ARHGAP42: variants seen among roughly 807,000 people sequenced by gnomAD.
ARHGAP42 encodes rho GTPase-activating protein 42.
A neutral mutation model predicts 125.0 loss-of-function variants in ARHGAP42; 63 were observed. That is an observed-to-expected ratio of 0.50 (90% CI 0.41 to 0.62). The LOEUF (loss-of-function observed/expected upper bound fraction) is 0.62, where lower values mean the gene tolerates loss of function less well. ARHGAP42 is among the 20% of genes least tolerant of loss of function. ARHGAP42 has a pLI of 0.00. For missense variants in ARHGAP42, 766 were observed against 1,024.2 expected (o/e 0.75, Z 3.44); for synonymous variants, 339 against 351.0 (o/e 0.97, Z 0.38).
chr11:100,737,555 ACTGGTGTCCCAC>A (rs1862092208), intron 1 of ARHGAP42, among the ~76,000 whole-genome samples: 2 of 151,120 alleles, frequency 1.3e-5, no homozygotes, highest in African/African-American at 4.8e-5. Flanking sequence ...TGGTGATCAT[ACTGGTGTCCCAC>A]CTTTCAACGT....
chr11:100,976,953 A>G lies in ARHGAP42; in HGVS notation c.2375A>G (p.Tyr792Cys), dbSNP rs371366286. The part of the protein sequence containing the change: ...LRLDTASSNG[Y>C]QRPGSVVAAK... ...CTAGACACTGCCTCAAGCAATGGCT[A>G]TCAGCGGCCTGGCTCAGTGTAAGTG... Residue 792 changes from tyrosine to cysteine, a missense_variant, in exon 21 of 24, where the codon TAT becomes TGT. Transcript: ENST00000298815. 6.4e-7 allele frequency: 1 copy of G among 1,551,444 alleles called. No individual in the cohort carries two copies. The highest frequency in any genetic ancestry group is 1.2e-5 in the South Asian group (1 of 84,056).
At chr11:100,749,706 A>G (rs933363458) in intron 1 of ARHGAP42, among the ~76,000 whole-genome samples, 6 of 152,106 alleles carry the variant, frequency 3.9e-5, no homozygotes, top group African/African-American at 1.4e-4. Context: ...CTTAAGCCAT[A>G]TGAGGTAGCT....
chr11:100,770,560 AT>A, intron 2 of ARHGAP42, 122 bp downstream of exon 2: 1 of 758,238 alleles, frequency 1.3e-6, no homozygotes, highest in Non-Finnish European at 2.0e-6. Context: ...TATAAGAGTG[AT>A]TTTAGGTTTC....
chr11:100,874,040 T>G (rs1290968835), intron 4 of ARHGAP42, among the ~76,000 whole-genome samples: 2 of 152,130 alleles, frequency 1.3e-5, no homozygotes, highest in Non-Finnish European at 2.9e-5. Flanking sequence ...AATACCTGAG[T>G]TGGAGTAATT....
intron 1 of ARHGAP42, among the ~76,000 whole-genome samples, chr11:100,744,773 C>T (rs1305627033): frequency 6.6e-6 from 1 of 152,048 alleles, no homozygotes; most frequent in Admixed American, 6.6e-5. Context: ...TGAGCAAGTT[C>T]ACCATTGTTA....
intron 4 of ARHGAP42, among the ~76,000 whole-genome samples, chr11:100,899,120 A>G (rs1222763043): frequency 6.6e-6 from 1 of 152,226 alleles, no homozygotes; most frequent in Non-Finnish European, 1.5e-5. Context: ...ATTCAGGAGC[A>G]GGTTGTTCTG....
chr11:100,935,682 A>C (rs1195077603), intron 7 of ARHGAP42, among the ~76,000 whole-genome samples: 2 of 151,780 alleles, frequency 1.3e-5, no homozygotes. Context: ...ACACACAGAG[A>C]GAGAGAGAGA....
intron 7 of ARHGAP42, 106 bp from the exon 8 acceptor site, chr11:100,936,097 A>G: frequency 7.5e-7 from 1 of 1,329,130 alleles, no homozygotes; most frequent in Non-Finnish European, 1.0e-6. Flanking sequence ...TGACAGAGTG[A>G]TACTCTGTCT....
At chr11:100,921,744 G>A (rs1867275476) in intron 6 of ARHGAP42, 140 bp downstream of exon 6, 15 of 580,396 alleles carry the variant, frequency 2.6e-5, no homozygotes, top group Non-Finnish European at 4.4e-5. Context: ...GGATGAAAAA[G>A]TGGAGCACAG....
chr11:100,797,968 C>T (rs1410468569), intron 3 of ARHGAP42, among the ~76,000 whole-genome samples: 1 of 152,124 alleles, frequency 6.6e-6, no homozygotes, highest in Non-Finnish European at 1.5e-5. Context: ...TCATGGATGA[C>T]TTGGAGAGGT....
chr11:100,815,033 T>G (rs1667684794), intron 3 of ARHGAP42, among the ~76,000 whole-genome samples: 1 of 152,260 alleles, frequency 6.6e-6, no homozygotes, highest in Non-Finnish European at 1.5e-5. Flanking sequence ...CTAAAACAAG[T>G]GCTCCCTCTT....
At chr11:100,914,651 T>C (rs561493755) in intron 5 of ARHGAP42, among the ~76,000 whole-genome samples, 12 of 152,286 alleles carry the variant, frequency 7.9e-5, no homozygotes, top group Non-Finnish European at 1.0e-4. Context: ...GTCTAAAAAG[T>C]GATCGGGAAC....
intron 22 of ARHGAP42, among the ~76,000 whole-genome samples, chr11:100,980,123 T>C (rs780330104): frequency 1.3e-5 from 2 of 152,164 alleles, no homozygotes; most frequent in Non-Finnish European, 2.9e-5. Context: ...GTAGAGCCAC[T>C]TTGGTATCTT....
At chr11:100,722,357 A>G (rs1040621229) in intron 1 of ARHGAP42, among the ~76,000 whole-genome samples, 3 of 149,264 alleles carry the variant, frequency 2.0e-5, no homozygotes, top group African/African-American at 4.9e-5. Context: ...CCTTCATCAG[A>G]TATGTGTTTT....
chr11:100,898,985 A>G (rs934670146), intron 4 of ARHGAP42, among the ~76,000 whole-genome samples: 2 of 152,312 alleles, frequency 1.3e-5, no homozygotes, highest in African/African-American at 4.8e-5. Context: ...ATTTAGTGCT[A>G]TAAATTTCCC....
chr11:100,874,398 G>A lies in ARHGAP42; in HGVS notation c.384+14773G>A, dbSNP rs185240962. 3.0e-3 allele frequency among the ~76,000 whole-genome samples: 450 copies of A among 152,272 alleles called. 4 individuals carry two copies. Among genetic ancestry groups the A allele is most frequent in the African/African-American group, 0.01 (418 of 41,538 alleles). On this transcript the variant is annotated intron_variant, in intron 4 of 23. Coordinates refer to ENST00000298815, the MANE Select transcript of ARHGAP42 (RefSeq NM_152432.4). ...GGTAACGAACTACATCCAGACCATAGCAGTGATAAATTTTGTTTACTGTCA... is the reference window on the plus strand; with the variant it reads ...GGTAACGAACTACATCCAGACCATAACAGTGATAAATTTTGTTTACTGTCA...
intron 1 of ARHGAP42, among the ~76,000 whole-genome samples, chr11:100,749,571 C>T (rs1408051016): frequency 6.6e-6 from 1 of 152,190 alleles, no homozygotes; most frequent in Non-Finnish European, 1.5e-5. Context: ...CCCTTTCCCC[C>T]TCTGAAGGTC....
At chr11:100,711,963 C>G (rs1454958344) in intron 1 of ARHGAP42, among the ~76,000 whole-genome samples, 2 of 152,212 alleles carry the variant, frequency 1.3e-5, no homozygotes, top group African/African-American at 4.8e-5. Context: ...GAGACTCTAA[C>G]TTTCATTATG....
rs199731211 is a variant in ARHGAP42 at position 100,837,669 on chromosome 11, T to A, written c.313-21885T>A. ...TTCCCAGAATCTAGGTGTCATCCTT[T>A]TTTTTTTTTTTTTTTTTTTTTTTTT... On this transcript the variant is annotated intron_variant, in intron 3 of 23. Coordinates refer to ENST00000298815, the MANE Select transcript of ARHGAP42 (RefSeq NM_152432.4). Among the ~76,000 whole-genome samples the A allele has an allele frequency of 5.8e-3, 225 of 38,518 alleles. 5 individuals are homozygous for A. Among genetic ancestry groups the A allele is most frequent in the East Asian group, 6.9e-3 (6 of 872 alleles). 25.3% of individuals were successfully genotyped at this position (38,518 alleles called of 152,430 possible).
Sources: gnomAD v4.1 joint callset for allele counts (sites outside exome capture counted in the v4.1 genomes callset) on GRCh38, gnomAD v4.1.1 for gene constraint, MANE v1.5 for transcripts, NCBI Gene and HGNC (gene_info 2026-07-23, HGNC 2026-07-21) for gene names.